Variants in ZNF189 observed in about 807,000 individuals in gnomAD.
ZNF189 encodes zinc finger protein 189.
ZNF189 carries 33 observed loss-of-function variants against 53.5 expected under a neutral mutation model. The observed-to-expected ratio is 0.62, with a 90% CI of 0.47 to 0.82. The LOEUF is 0.82. Ranked by LOEUF, ZNF189 falls within the 40% of genes least tolerant of loss-of-function variation. The pLI is 0.00. For synonymous variants in ZNF189, 247 were observed against 238.8 expected, an observed-to-expected ratio of 1.03 and a Z score of -0.32; for missense variants, 711 against 753.9, an observed-to-expected ratio of 0.94 and a Z score of 0.67.
intron 2 of ZNF189, among the ~76,000 whole-genome samples, chr9:101,401,642 G>A (rs1035700948): frequency 2.0e-5 from 3 of 152,130 alleles, no homozygotes; most frequent in Admixed American, 2.0e-4. Context: ...GTTAATGTGT[G>A]TTCTGTATTT....
rs765942311 is a variant in ZNF189 at position 101,399,883 on chromosome 9, G to A, written c.34-1G>A. On this transcript the variant is annotated splice_acceptor_variant, in intron 1 of 2. Transcript: ENST00000339664. LOFTEE classifies it high-confidence loss of function. ...TGACTACAGAAATCATACTATTTCA[G>A]GGGTTGCTGACATTTGAGGATGTGG... The A allele has an allele frequency of 2.5e-6, 4 of 1,613,992 alleles. No individual in the cohort carries two copies. Among genetic ancestry groups the A allele is most frequent in the Non-Finnish European group, 3.4e-6 (4 of 1,180,006 alleles).
chr9:101,407,828 C>T, intron 2 of ZNF189, 101 bp from the exon 3 acceptor site: 1 of 1,226,152 alleles, frequency 8.2e-7, no homozygotes, highest in South Asian at 1.7e-5. Context: ...CTGATTAATC[C>T]CACCTTGACT....
intron 2 of ZNF189, among the ~76,000 whole-genome samples, chr9:101,405,599 A>T (rs900975319): frequency 7.9e-5 from 12 of 152,204 alleles, no homozygotes; most frequent in Admixed American, 7.2e-4. Flanking sequence ...AAATGTGGGT[A>T]ACAATAACAA....
intron 2 of ZNF189, among the ~76,000 whole-genome samples, chr9:101,405,673 G>A (rs1830681209): frequency 2.0e-5 from 3 of 152,028 alleles, no homozygotes; most frequent in Admixed American, 1.3e-4. Flanking sequence ...CAAAGAAGTA[G>A]GGAAGGAAAT....
chr9:101,406,523 C>T (rs1830715493), intron 2 of ZNF189, among the ~76,000 whole-genome samples: 1 of 151,938 alleles, frequency 6.6e-6, no homozygotes, highest in Non-Finnish European at 1.5e-5. Context: ...AAAGAAAATA[C>T]AGCCCACTGA....
intron 2 of ZNF189, among the ~76,000 whole-genome samples, chr9:101,401,976 G>A (rs1830553092): frequency 6.6e-6 from 1 of 151,734 alleles, no homozygotes. Flanking sequence ...GTGCAGTGGT[G>A]CAATCTCAGC....
rs753558896 is a variant in ZNF189, at chr9:101,409,672, A to G, written c.*23A>G. On this transcript the variant is annotated 3_prime_UTR_variant, in exon 3 of 3. Coordinates refer to ENST00000339664, the MANE Select transcript of ZNF189 (RefSeq NM_003452.4). ...TAAATGTAGAGCAATACATAAGCTC[A>G]ATTTGATTTGAGACTAGTACCCAAG... is the stretch of plus-strand genomic sequence containing the variant. 6 of 1,566,106 alleles carry G rather than the reference A, an allele frequency of 3.8e-6. No homozygotes were observed. The African/African-American group carries it at 8.2e-5, about 21-fold the overall frequency.
chr9:101,405,616 G>A (rs1298721603), intron 2 of ZNF189, among the ~76,000 whole-genome samples: 2 of 152,072 alleles, frequency 1.3e-5, no homozygotes, highest in African/African-American at 4.8e-5. Context: ...ACAAAAGTCA[G>A]TTGACAAAGG....
chr9:101,405,481 G>A (rs1438311702), intron 2 of ZNF189, among the ~76,000 whole-genome samples: 1 of 152,150 alleles, frequency 6.6e-6, no homozygotes. Context: ...ATTAAAGGTG[G>A]GGAAAGGCAT....
In ZNF189 at chr9:101,399,997, C is replaced by T. The variant is rs1830475653; in HGVS notation, c.147C>T (p.Asn49=). 4.3e-6 allele frequency: 7 copies of T among 1,613,906 alleles called. No homozygotes were observed. In the Admixed American group the frequency reaches 8.3e-5, roughly 19 times the overall value. ...YKDVMMENYG[N]LVSLDVLNRD... ...ATGTCATGATGGAGAATTATGGAAA[C>T]CTGGTCTCACTGGGTAAGAATCTGC... The change falls in exon 2 of 3, where the codon AAC becomes AAT. Residue 49 remains asparagine (N), a synonymous_variant. Coordinates refer to ENST00000339664, the MANE Select transcript of ZNF189 (RefSeq NM_003452.4).
At position 101,398,905 on chromosome 9, in the gene ZNF189, C is replaced by G; in HGVS notation, c.-252C>G. 1.7e-6 allele frequency: 1 copy of G among 574,512 alleles called. No individual in the cohort carries two copies. Among genetic ancestry groups the G allele is most frequent in the South Asian group, 2.0e-5 (1 of 50,520 alleles). 35.6% of individuals were successfully genotyped at this position (574,512 alleles called of 1,614,324 possible). A position where few individuals can be genotyped will look rare whatever the true frequency, so the allele number is the denominator to read the frequency against. The stretch of plus-strand genomic sequence containing the variant: ...AGGAACTGGCAGCGGGGAGGAGGCT[C>G]TAGCGAGGCCTGAAAGGCTGCGTAA... On this transcript the variant is annotated 5_prime_UTR_variant, in exon 1 of 3. Coordinates refer to ENST00000339664, the MANE Select transcript of ZNF189 (RefSeq NM_003452.4).
chr9:101,405,395 A>C (rs899267924), intron 2 of ZNF189, among the ~76,000 whole-genome samples: 1 of 152,206 alleles, frequency 6.6e-6, no homozygotes, highest in Non-Finnish European at 1.5e-5. Flanking sequence ...GATTAACGTG[A>C]GAAGAAGGGA....
At position 101,409,605 on chromosome 9, in the gene ZNF189, T is replaced by A; in HGVS notation, c.1837T>A (p.Ser613Thr). The A allele has an allele frequency of 1.9e-6, 3 of 1,612,408 alleles. No homozygotes were observed. The highest frequency in any genetic ancestry group is 2.2e-5 in the South Asian group (2 of 90,802). Residue 613 changes from serine to threonine, a missense_variant, in exon 3 of 3, where the codon TCT (serine) becomes ACT (threonine). Coordinates refer to ENST00000339664, the MANE Select transcript of ZNF189 (RefSeq NM_003452.4). ...ACGEAFNCRI[S>T]LIQHQKLHTA... ...TGGTGAAGCCTTTAATTGCCGTATT[T>A]CTCTTATTCAGCATCAGAAATTGCA...
intron 2 of ZNF189, among the ~76,000 whole-genome samples, chr9:101,405,382 A>T (rs1359740186): frequency 6.6e-6 from 1 of 152,174 alleles, no homozygotes; most frequent in Non-Finnish European, 1.5e-5. Context: ...GATTTGGATG[A>T]TTGATTAACG....
intron 2 of ZNF189, among the ~76,000 whole-genome samples, chr9:101,405,471 A>G (rs10512281): frequency 0.079 from 12,034 of 152,220 alleles, 543 homozygotes; most frequent in Middle Eastern, 0.16. Flanking sequence ...TCAAGAGATA[A>G]TTAAAGGTGG....
At position 101,409,125 on chromosome 9, in the gene ZNF189, G is replaced by A; in HGVS notation, c.1357G>A (p.Glu453Lys). The change falls in exon 3 of 3, where the codon GAG (glutamate) becomes AAG (lysine). Residue 453 changes from glutamate to lysine, a missense_variant. By Grantham distance (56) the Glu-to-Lys change is moderately conservative. Coordinates refer to ENST00000339664, the MANE Select transcript of ZNF189 (RefSeq NM_003452.4). Reference sequence around the variant, plus strand: ...TATACAGCAGGAAGTCTACCCTAAGGAGAAATCTTATAAATGTGATGAATG... The same window carrying A: ...TATACAGCAGGAAGTCTACCCTAAGAAGAAATCTTATAAATGTGATGAATG... ...LVIQQEVYPK[E>K]KSYKCDECGK... is the part of the protein sequence containing the mutation. The A allele has an allele frequency of 6.2e-7, 1 of 1,613,970 alleles. No individual in the cohort carries two copies. The highest frequency in any genetic ancestry group is 8.5e-7 in the Non-Finnish European group (1 of 1,179,984).
rs768175016 is a variant in ZNF189, at chr9:101,399,877, A to G, written c.34-7A>G. On this transcript the variant is annotated splice_polypyrimidine_tract_variant and splice_region_variant and intron_variant, in intron 1 of 2. Transcript: ENST00000339664. ...AGGAACTGACTACAGAAATCATACT[A>G]TTTCAGGGGTTGCTGACATTTGAGG... is the stretch of plus-strand genomic sequence containing the variant. 2.3e-4 allele frequency: 374 copies of G among 1,613,938 alleles called. No homozygotes were observed. Among genetic ancestry groups the G allele is most frequent in the Non-Finnish European group, 3.0e-4 (357 of 1,179,988 alleles).
intron 1 of ZNF189, 62 bp downstream of exon 1, chr9:101,399,251 A>G: frequency 6.9e-7 from 1 of 1,444,202 alleles, no homozygotes; most frequent in South Asian, 1.2e-5. Context: ...AGGCCGCACC[A>G]CTGCTTTCTC....
Position 101,409,230 on chromosome 9 carries a change from G to A in ZNF189, c.1462G>A (p.Val488Ile), listed in dbSNP as rs1426238732. The change falls in exon 3 of 3, where the codon GTC (valine) becomes ATC (isoleucine). Residue 488 changes from valine to isoleucine, a missense_variant. By Grantham distance (29) the Val-to-Ile change is conservative (BLOSUM62 3). Transcript: ENST00000339664. ...TGGTGAAAAGCCCTATCTATGTACT[G>A]TCTGTGGGAAAAGCTTCAGCCGGAG... ...HTGEKPYLCT[V>I]CGKSFSRSSF... The A allele has an allele frequency of 1.4e-5, 23 of 1,613,430 alleles. No homozygotes were observed. The highest frequency in any genetic ancestry group is 1.9e-5 in the Non-Finnish European group (22 of 1,179,522).
Sources: gnomAD v4.1 joint callset for allele counts (sites outside exome capture counted in the v4.1 genomes callset) on GRCh38, gnomAD v4.1.1 for gene constraint, MANE v1.5 for transcripts, NCBI Gene and HGNC (gene_info 2026-07-23, HGNC 2026-07-21) for gene names.